ZNF681: variants seen among roughly 807,000 people sequenced by gnomAD.
ZNF681 encodes zinc finger protein 681, also known as hypothetical protein FLJ31526.
Under a neutral mutation model 56.0 loss-of-function variants are expected in ZNF681, and 37 were observed. The observed-to-expected ratio is 0.66, with a 90% CI of 0.51 to 0.87. The LOEUF (loss-of-function observed/expected upper bound fraction) is 0.87. Ranked by LOEUF, ZNF681 falls within the 40% of genes least tolerant of loss-of-function variation. The pLI, the probability that ZNF681 is intolerant of heterozygous loss-of-function variation, is 0.00. For missense variants in ZNF681, 741 were observed against 744.9 expected (o/e 0.99, Z 0.06); for synonymous variants, 225 against 248.6 (o/e 0.91, Z 0.89).
intron 2 of ZNF681, 95 bp from the exon 3 acceptor site, chr19:23,755,013 C>T: frequency 1.2e-6 from 1 of 859,116 alleles, no homozygotes; most frequent in Non-Finnish European, 1.8e-6. Flanking sequence ...ATAGAATATT[C>T]TTGTAAATCA....
In ZNF681 at chr19:23,758,878, C is replaced by A; in HGVS notation, c.-129G>T. Reference sequence around the variant, plus strand: ...GTGAAGACGAGACCCGGAGCTCGGGCTGAAGGGAGAGACAAAGGCCCCGCC... The same window carrying A: ...GTGAAGACGAGACCCGGAGCTCGGGATGAAGGGAGAGACAAAGGCCCCGCC... On this transcript the variant is annotated 5_prime_UTR_variant, in exon 1 of 4. Transcript: ENST00000402377. 1 of 1,336,152 alleles carries A rather than the reference C, an allele frequency of 7.5e-7. No individual in the cohort carries two copies. The highest frequency in any genetic ancestry group is 2.3e-5 in the East Asian group (1 of 43,378). The allele number at this position is 1,336,152 out of a possible 1,614,324, so 82.8% of individuals were successfully genotyped here.
At chr19:23,753,485 A>C (rs1969065416) in intron 3 of ZNF681, among the ~76,000 whole-genome samples, 1 of 152,310 alleles carries the variant, frequency 6.6e-6, no homozygotes, top group Non-Finnish European at 1.5e-5. Flanking sequence ...ACAATGAAAG[A>C]TATATCAATG....
Position 23,750,308 on chromosome 19 carries a change from A to AAAAAAAAAAC in ZNF681, c.226+4514_226+4515insGTTTTTTTTT, listed in dbSNP as rs1969008719. On this transcript the variant is annotated intron_variant, in intron 3 of 3. Transcript: ENST00000402377. Reference sequence around the variant, plus strand: ...CAAAAAAAAAAAAAAAAAAAACCAAAAAACAACTAAGAAAGAATATATACA... The same window carrying AAAAAAAAAAC: ...CAAAAAAAAAAAAAAAAAAAACCAAAAAAAAAAAACAAACAACTAAGAAAGAATATATACA... Among the ~76,000 whole-genome samples the AAAAAAAAAAC allele has an allele frequency of 1.5e-5, 2 of 130,360 alleles. 1 individual carries two copies. The highest frequency in any genetic ancestry group is 5.8e-5 in the African/African-American group (2 of 34,650). 85.5% of individuals were successfully genotyped at this position (130,360 alleles called of 152,430 possible).
chr19:23,742,204 A>G lies in ZNF681; in HGVS notation c.*1408T>C, dbSNP rs563822054. ...GTACTACATTTTATTACATAAAAGT[A>G]CAATTGGCCAGGCATGGTGACTCGC... On this transcript the variant is annotated 3_prime_UTR_variant, in exon 4 of 4. Coordinates refer to ENST00000402377, the MANE Select transcript of ZNF681 (RefSeq NM_138286.3). 4.6e-5 allele frequency: 7 copies of G among 152,282 alleles called. No homozygotes were observed. Among genetic ancestry groups the G allele is most frequent in the African/African-American group, 1.7e-4 (7 of 41,564 alleles). 9.4% of individuals were successfully genotyped at this position (152,282 alleles called of 1,614,324 possible).
chr19:23,755,647 G>C (rs919058336), intron 1 of ZNF681, 96 bp from the exon 2 acceptor site: 2 of 1,302,612 alleles, frequency 1.5e-6, no homozygotes, highest in Non-Finnish European at 2.0e-6. Context: ...TTTGATTCAA[G>C]GTAAAATAAG....
In ZNF681 at chr19:23,743,534, GTTTTT is replaced by G; in HGVS notation, c.*73_*77del. 1 of 1,264,024 alleles carries G rather than the reference GTTTTT, an allele frequency of 7.9e-7. No individual in the cohort carries two copies. Among genetic ancestry groups the G allele is most frequent in the Non-Finnish European group, 1.0e-6 (1 of 957,032 alleles). The allele number at this position is 1,264,024 out of a possible 1,614,324, so 78.3% of individuals were successfully genotyped here. A position where few individuals can be genotyped will look rare whatever the true frequency, so the allele number is the denominator to read the frequency against. ...TTTGCCACATTCTTCACACTTGTAG[GTTTTT>G]TTTTAGTATGAATTATCTTATGCAC... is the stretch of plus-strand genomic sequence containing the variant. On this transcript the variant is annotated 3_prime_UTR_variant, in exon 4 of 4. Transcript: ENST00000402377.
At chr19:23,754,777 C>T (rs1055553850) in intron 3 of ZNF681, 46 bp downstream of exon 3, 2 of 1,473,170 alleles carry the variant, frequency 1.4e-6, no homozygotes, top group Non-Finnish European at 1.9e-6. Flanking sequence ...GACCTTTGAA[C>T]CGCTCATCTA....
intron 3 of ZNF681, among the ~76,000 whole-genome samples, chr19:23,752,003 C>T (rs568279171): frequency 6.6e-6 from 1 of 152,246 alleles, no homozygotes; most frequent in East Asian, 1.9e-4. Context: ...TGGAAAATTG[C>T]TTCAGGCCAG....
chr19:23,750,299 AAAAAC>A (rs1171316143), intron 3 of ZNF681, among the ~76,000 whole-genome samples: 8 of 129,646 alleles, frequency 6.2e-5, no homozygotes, highest in East Asian at 2.2e-4. Flanking sequence ...AAAAAAAAAA[AAAAAC>A]CAAAAAACAA....
Position 23,739,438 on chromosome 19 carries a change from C to A in ZNF681, c.*4174G>T, listed in dbSNP as rs1968851928. The A allele has an allele frequency of 6.6e-6, 1 of 152,060 alleles. No individual in the cohort carries two copies. The allele number at this position is 152,060 out of a possible 1,614,324, so 9.4% of individuals were successfully genotyped here. A position where few individuals can be genotyped will look rare whatever the true frequency, so the allele number is the denominator to read the frequency against. ...ACTGCATGGTGCCTATAGTTCATAA[C>A]AATGTATTTGTATTTCTGAAAAATG... On this transcript the variant is annotated 3_prime_UTR_variant, in exon 4 of 4. Coordinates refer to ENST00000402377, the MANE Select transcript of ZNF681 (RefSeq NM_138286.3).
rs796334632 is a variant in ZNF681 at position 23,744,084 on chromosome 19, T to C, written c.1466A>G (p.Gln489Arg). 1.9e-6 allele frequency: 3 copies of C among 1,603,132 alleles called. No homozygotes were observed. The highest frequency in any genetic ancestry group is 2.6e-6 in the Non-Finnish European group (3 of 1,173,162). Residue 489 changes from glutamine (Q) to arginine (R), a missense_variant, in exon 4 of 4, where the codon CAG becomes CGG. By Grantham distance (43) the Gln-to-Arg change is conservative (BLOSUM62 1). Transcript: ENST00000402377. ...CTTATGTGTAGTAAGGATTGAGGAC[T>C]GGTTAAAAGCTTTGCCACATTCTTC... is the stretch of plus-strand genomic sequence containing the variant. The part of the protein sequence containing the change: ...KCEECGKAFN[Q>R]SSILTTHKRI...
At chr19:23,751,346 C>T (rs1018250593) in intron 3 of ZNF681, among the ~76,000 whole-genome samples, 3 of 151,316 alleles carry the variant, frequency 2.0e-5, no homozygotes, top group Non-Finnish European at 2.9e-5. Context: ...CGTTTTGGCA[C>T]ATGGCTGTAA....
At chr19:23,749,119 C>A (rs534269464) in intron 3 of ZNF681, among the ~76,000 whole-genome samples, 4 of 152,050 alleles carry the variant, frequency 2.6e-5, no homozygotes, top group African/African-American at 9.6e-5. Context: ...ACAAATACAT[C>A]AAAAAATGTA....
At chr19:23,748,176 T>C (rs1968973111) in intron 3 of ZNF681, among the ~76,000 whole-genome samples, 1 of 151,918 alleles carries the variant, frequency 6.6e-6, no homozygotes, top group South Asian at 2.1e-4. Context: ...CAAAAAAACA[T>C]TAGAGTGACA....
chr19:23,743,667 T>C lies in ZNF681; in HGVS notation c.1883A>G (p.Glu628Gly). 1 of 1,569,438 alleles carries C rather than the reference T, an allele frequency of 6.4e-7. No homozygotes were observed. Residue 628 changes from glutamate to glycine, a missense_variant, in exon 4 of 4, where the codon GAA becomes GGA. Transcript: ENST00000402377. ...YKPKRCNSDF[E>G]NTSKFSKHKR... ...ATGTTTAGAAAACTTTGAAGTGTTT[T>C]CAAAATCACTGTTACATCTTTTAGG... is the stretch of plus-strand genomic sequence containing the variant.
At chr19:23,747,497 G>A (rs1290716062) in intron 3 of ZNF681, among the ~76,000 whole-genome samples, 12 of 151,710 alleles carry the variant, frequency 7.9e-5, no homozygotes, top group African/African-American at 1.5e-4. Context: ...AAAATTAGCC[G>A]GGCGTGGTGG....
At position 23,744,984 on chromosome 19, in the gene ZNF681, T is replaced by G; in HGVS notation, c.566A>C (p.Lys189Thr). The G allele has an allele frequency of 6.3e-7, 1 of 1,599,150 alleles. No individual in the cohort carries two copies. The highest frequency in any genetic ancestry group is 8.5e-7 in the Non-Finnish European group (1 of 1,173,026). The change falls in exon 4 of 4, where the codon AAA becomes ACA. Residue 189 changes from lysine (K) to threonine (T), a missense_variant. Coordinates refer to ENST00000402377, the MANE Select transcript of ZNF681 (RefSeq NM_138286.3). ...GAAATTTACTCTAGTACAAATTATT[T>G]TATGTTGAGTTAGGTTTGAAAATAT... Reference protein sequence around the residue: ...FCIFSNLTQHKIICTRVNFYK... With the variant: ...FCIFSNLTQHTIICTRVNFYK...
At position 23,744,179 on chromosome 19, in the gene ZNF681, T is replaced by C. The variant is rs769538907; in HGVS notation, c.1371A>G (p.Lys457=). The C allele has an allele frequency of 3.1e-6, 5 of 1,613,484 alleles. No homozygotes were observed. The highest frequency in any genetic ancestry group is 4.2e-6 in the Non-Finnish European group (5 of 1,179,870). ...EKPYKCEECG[K]AFNQFSNLTT... is the part of the protein sequence containing the mutation. ...TAAGGTTTGAGAACTGGTTAAAGGCTTTCCCACATTCTTCACATTTGTATG... is the reference window on the plus strand; with the variant it reads ...TAAGGTTTGAGAACTGGTTAAAGGCCTTCCCACATTCTTCACATTTGTATG... Residue 457 remains lysine, a synonymous_variant, in exon 4 of 4, where the codon AAA becomes AAG. Transcript: ENST00000402377.
At position 23,743,461 on chromosome 19, in the gene ZNF681, A is replaced by G; in HGVS notation, c.*151T>C. On this transcript the variant is annotated 3_prime_UTR_variant, in exon 4 of 4. Coordinates refer to ENST00000402377, the MANE Select transcript of ZNF681 (RefSeq NM_138286.3). ...TTCTGTATATTTGAAATTTTTTTCTAGTACAAATGCTTTCCTGTGCAATAA... is the reference window on the plus strand; with the variant it reads ...TTCTGTATATTTGAAATTTTTTTCTGGTACAAATGCTTTCCTGTGCAATAA... 3.2e-6 allele frequency: 2 copies of G among 631,198 alleles called. No homozygotes were observed. Among genetic ancestry groups the G allele is most frequent in the East Asian group, 6.2e-5 (2 of 32,080 alleles). 39.1% of individuals were successfully genotyped at this position (631,198 alleles called of 1,614,324 possible).
Sources: gnomAD v4.1 joint callset for allele counts (sites outside exome capture counted in the v4.1 genomes callset) on GRCh38, gnomAD v4.1.1 for gene constraint, MANE v1.5 for transcripts, NCBI Gene and HGNC (gene_info 2026-07-23, HGNC 2026-07-21) for gene names.